The following OIT3 variants were observed in gnomAD, a reference collection of about 807,000 sequenced individuals.
OIT3 encodes the protein oncoprotein induced transcript 3, also known as oncoprotein-induced transcript 3 protein.
Under a neutral mutation model 52.2 loss-of-function variants are expected in OIT3, and 41 were observed. The ratio of observed to expected loss-of-function variants is 0.79; its 90% CI spans 0.61 to 1.02. The LOEUF (loss-of-function observed/expected upper bound fraction) is 1.02. Ranked by LOEUF, OIT3 falls within the 50% of genes least tolerant of loss-of-function variation. OIT3 has a pLI of 0.00. For missense variants in OIT3, 634 were observed against 715.5 expected (o/e 0.89, Z 1.30); for synonymous variants, 244 against 276.9 (o/e 0.88, Z 1.18).
intron 3 of OIT3, among the ~76,000 whole-genome samples, chr10:72,901,410 G>T (rs1845933955): frequency 1.3e-5 from 2 of 152,110 alleles, no homozygotes; most frequent in Admixed American, 1.3e-4. Flanking sequence ...GAACAGAGAT[G>T]AAAACCCCAA....
At position 72,906,631 on chromosome 10, in the gene OIT3, A is replaced by G. The variant is rs772397745; in HGVS notation, c.580A>G (p.Ser194Gly). The G allele has an allele frequency of 3.3e-5, 54 of 1,613,796 alleles. No individual in the cohort carries two copies. Among genetic ancestry groups the G allele is most frequent in the Non-Finnish European group, 4.4e-5 (52 of 1,179,882 alleles). The change falls in exon 4 of 9, where the codon AGT (serine) becomes GGT (glycine). Residue 194 changes from serine (S) to glycine (G), a missense_variant. Coordinates refer to ENST00000334011, the MANE Select transcript of OIT3 (RefSeq NM_152635.3). ...ATGTGAGCAAAACAACGGTGGCTGC[A>G]GTGAGATCTGTGTGAACCTCAAAAA... is the stretch of plus-strand genomic sequence containing the variant. ...NECEQNNGGCSEICVNLKNSY... is the reference protein window; with the variant it reads ...NECEQNNGGCGEICVNLKNSY...
intron 4 of OIT3, 121 bp from the exon 5 acceptor site, chr10:72,911,596 T>C: frequency 2.1e-6 from 2 of 974,582 alleles, no homozygotes; most frequent in Non-Finnish European, 3.0e-6. Context: ...GAATGTCCAG[T>C]CACTAGGTTA....
At chr10:72,916,633 T>C (rs1280662478) in intron 6 of OIT3, among the ~76,000 whole-genome samples, 1 of 152,228 alleles carries the variant, frequency 6.6e-6, no homozygotes, top group Non-Finnish European at 1.5e-5. Flanking sequence ...GCAGTAAACA[T>C]ACACGTGCAT....
In OIT3 at chr10:72,907,511, C is replaced by G. The variant is rs544487520; in HGVS notation, c.667+793C>G. Among the ~76,000 whole-genome samples the G allele has an allele frequency of 3.4e-4, 52 of 152,276 alleles. No homozygotes were observed. The South Asian group carries it at 1.0e-2, about 29-fold the overall frequency. The stretch of plus-strand genomic sequence containing the variant: ...CCGACAGCTGTGTTTCCCAAACTTC[C>G]CTGCTGCTGAGAAGCACCTGGGGCT... On this transcript the variant is annotated intron_variant, in intron 4 of 8. Transcript: ENST00000334011.
In OIT3 at chr10:72,932,482, G is replaced by A. The variant is rs1457964632; in HGVS notation, c.1596G>A (p.Gln532=). The part of the protein sequence containing the change: ...GGEDSAGLQG[Q]TLTGGPIRID... ...AGGACTCAGCCGGTCTACAGGGCCA[G>A]ACGCTAACAGGCGGCCCGATCCGCA... is the stretch of plus-strand genomic sequence containing the variant. Residue 532 remains glutamine (Q), a synonymous_variant, in exon 9 of 9, where the codon CAG becomes CAA. Coordinates refer to ENST00000334011, the MANE Select transcript of OIT3 (RefSeq NM_152635.3). 1 of 1,613,508 alleles carries A rather than the reference G, an allele frequency of 6.2e-7. No homozygotes were observed.
At chr10:72,900,308 C>T in intron 2 of OIT3, 69 bp from the exon 3 acceptor site, 1 of 767,102 alleles carries the variant, frequency 1.3e-6, no homozygotes, top group Non-Finnish European at 2.2e-6. Context: ...CCCGCACCAT[C>T]TCTAAAAAGA....
chr10:72,899,747 A>G (rs937044651), intron 2 of OIT3, among the ~76,000 whole-genome samples: 1 of 139,060 alleles, frequency 7.2e-6, no homozygotes, highest in Non-Finnish European at 1.6e-5. Context: ...ATAGATAGAT[A>G]GATAGATAGA....
At chr10:72,920,751 C>T (rs1344544878) in intron 6 of OIT3, among the ~76,000 whole-genome samples, 1 of 152,150 alleles carries the variant, frequency 6.6e-6, no homozygotes, top group African/African-American at 2.4e-5. Context: ...GAGTGAATTT[C>T]TTAGTCTTGA....
intron 5 of OIT3, among the ~76,000 whole-genome samples, chr10:72,912,322 G>A (rs1372004752): frequency 2.1e-5 from 3 of 142,442 alleles, no homozygotes; most frequent in Non-Finnish European, 3.0e-5. Flanking sequence ...CAGGTGGAGT[G>A]TGAAGTGATG....
intron 6 of OIT3, among the ~76,000 whole-genome samples, chr10:72,923,296 G>C (rs1373110140): frequency 2.0e-5 from 3 of 152,238 alleles, no homozygotes; most frequent in East Asian, 3.8e-4. Context: ...ACCAGTGAAG[G>C]CTGTGAAACA....
At position 72,924,345 on chromosome 10, in the gene OIT3, C is replaced by T. The variant is rs767354598; in HGVS notation, c.1068C>T (p.Cys356=). ...RTSKLLIPVT[C]EFPRLYTISE... is the part of the protein sequence containing the mutation. Reference sequence around the variant, plus strand: ...GCAAGCTGCTGATCCCGGTGACCTGCGAGTTTCCACGCCTGTACACCATTT... The same window carrying T: ...GCAAGCTGCTGATCCCGGTGACCTGTGAGTTTCCACGCCTGTACACCATTT... The change falls in exon 7 of 9, where the codon TGC becomes TGT. Residue 356 remains cysteine, a synonymous_variant. Coordinates refer to ENST00000334011, the MANE Select transcript of OIT3 (RefSeq NM_152635.3). 41 of 1,614,020 alleles carry T rather than the reference C, an allele frequency of 2.5e-5. No homozygotes were observed. The highest frequency in any genetic ancestry group is 5.3e-5 in the African/African-American group (4 of 74,906).
chr10:72,921,959 A>T (rs148262106), intron 6 of OIT3, among the ~76,000 whole-genome samples: 68 of 152,298 alleles, frequency 4.5e-4, no homozygotes, highest in African/African-American at 1.6e-3. Context: ...GGTGTGAGCC[A>T]CTGCACCCAG....
chr10:72,932,292 G>T (rs1264300876), intron 8 of OIT3, 62 bp from the exon 9 acceptor site: 3 of 1,445,898 alleles, frequency 2.1e-6, no homozygotes, highest in Non-Finnish European at 1.9e-6. Flanking sequence ...ATTGTGTCTT[G>T]TAAGTGCCCC....
intron 6 of OIT3, among the ~76,000 whole-genome samples, chr10:72,915,532 T>TATTTAAC (rs1309736604): frequency 3.3e-5 from 5 of 152,204 alleles, no homozygotes; most frequent in African/African-American, 1.2e-4. Flanking sequence ...AAAGATACCT[T>TATTTAAC]ATTTAACATA....
At chr10:72,906,573 A>G in intron 3 of OIT3, 23 bp from the exon 4 acceptor site, 1 of 1,613,760 alleles carries the variant, frequency 6.2e-7, no homozygotes, top group Non-Finnish European at 8.5e-7. Context: ...CAGTATAGAA[A>G]CAGTGTGGTT....
intron 5 of OIT3, among the ~76,000 whole-genome samples, chr10:72,912,347 T>C (rs546431429): frequency 1.3e-5 from 2 of 148,166 alleles, no homozygotes; most frequent in African/African-American, 5.1e-5. Context: ...CTCAGCTCAC[T>C]GCAACCTCCA....
At chr10:72,899,887 T>C (rs952539864) in intron 2 of OIT3, among the ~76,000 whole-genome samples, 3 of 152,220 alleles carry the variant, frequency 2.0e-5, no homozygotes, top group African/African-American at 7.2e-5. Context: ...TTATTAATCC[T>C]GTCAATGTCT....
At chr10:72,904,850 C>T (rs1271541150) in intron 3 of OIT3, among the ~76,000 whole-genome samples, 1 of 152,060 alleles carries the variant, frequency 6.6e-6, no homozygotes, top group Non-Finnish European at 1.5e-5. Context: ...TAAAGGAATA[C>T]CTGAGGCTGG....
chr10:72,908,052 G>A (rs1360169745), intron 4 of OIT3, among the ~76,000 whole-genome samples: 1 of 152,116 alleles, frequency 6.6e-6, no homozygotes, highest in Non-Finnish European at 1.5e-5. Flanking sequence ...TGATCAGCCT[G>A]GCCAACATGG....
Sources: gnomAD v4.1 joint callset for allele counts (sites outside exome capture counted in the v4.1 genomes callset) on GRCh38, gnomAD v4.1.1 for gene constraint, MANE v1.5 for transcripts, NCBI Gene and HGNC (gene_info 2026-07-23, HGNC 2026-07-21) for gene names.